ATF6: variants seen among roughly 807,000 people sequenced by gnomAD.
ATF6 encodes the protein activating transcription factor 6, also known as cyclic AMP-dependent transcription factor ATF-6 alpha.
A neutral mutation model predicts 83.6 loss-of-function variants in ATF6; 53 were observed. That is an observed-to-expected ratio of 0.63 (90% CI 0.51 to 0.80). The LOEUF (loss-of-function observed/expected upper bound fraction) is 0.80. Ranked by LOEUF, ATF6 falls within the 30% of genes least tolerant of loss-of-function variation. ATF6 has a pLI of 0.00. For synonymous variants in ATF6, 288 were observed against 285.8 expected, an observed-to-expected ratio of 1.01 and a Z score of -0.08; for missense variants, 744 against 797.9, an observed-to-expected ratio of 0.93 and a Z score of 0.81.
intron 15 of ATF6, among the ~76,000 whole-genome samples, chr1:161,928,377 G>T (rs537690260): frequency 6.6e-6 from 1 of 152,184 alleles, no homozygotes; most frequent in African/African-American, 2.4e-5. Context: ...ACATAATTTG[G>T]CATGATGGCA....
intron 9 of ATF6, among the ~76,000 whole-genome samples, chr1:161,821,931 A>G (rs1225056592): frequency 3.0e-4 from 46 of 152,242 alleles, no homozygotes; most frequent in Non-Finnish European, 8.8e-5. Context: ...TACCTCTCTG[A>G]TGTAGCTTTT....
chr1:161,800,823 A>G lies in ATF6; in HGVS notation c.689-1229A>G, dbSNP rs192525566. Among the ~76,000 whole-genome samples, 221 of 152,320 alleles carry G rather than the reference A, an allele frequency of 1.5e-3. 1 individual carries two copies. The highest frequency in any genetic ancestry group is 5.0e-3 in the African/African-American group (208 of 41,584). On this transcript the variant is annotated intron_variant, in intron 6 of 15. Coordinates refer to ENST00000367942, the MANE Select transcript of ATF6 (RefSeq NM_007348.4). Reference sequence around the variant, plus strand: ...TGGATGACTTCTAAAAATGTTTTCTATGGAGTCATCTGCCTCATTAACAAG... The same window carrying G: ...TGGATGACTTCTAAAAATGTTTTCTGTGGAGTCATCTGCCTCATTAACAAG...
At chr1:161,794,160 TCC>T (rs1571136682) in intron 6 of ATF6, among the ~76,000 whole-genome samples, 2 of 152,190 alleles carry the variant, frequency 1.3e-5, no homozygotes, top group African/African-American at 4.8e-5. Flanking sequence ...TGCCTCGGCC[TCC>T]CAAAGTGCTG....
chr1:161,804,513 A>G (rs775375763), intron 7 of ATF6, among the ~76,000 whole-genome samples: 22 of 152,148 alleles, frequency 1.4e-4, no homozygotes, highest in Non-Finnish European at 2.8e-4. Context: ...CCTGGGAGCC[A>G]TCTTCCAGGA....
At position 161,821,028 on chromosome 1, in the gene ATF6, C is replaced by T. The variant is rs181456626; in HGVS notation, c.1096-42C>T. 5.8e-5 allele frequency: 81 copies of T among 1,391,950 alleles called. No homozygotes were observed. The African/African-American group carries it at 8.1e-4, about 14-fold the overall frequency. 86.2% of individuals were successfully genotyped at this position (1,391,950 alleles called of 1,614,324 possible). On this transcript the variant is annotated intron_variant, in intron 8 of 15. Coordinates refer to ENST00000367942, the MANE Select transcript of ATF6 (RefSeq NM_007348.4). ...TCTTAAGCGTTGCTTTTTCTGAAAT[C>T]GATGTTAGTTTAATTGTATTTAATG... is the stretch of plus-strand genomic sequence containing the variant.
intron 15 of ATF6, among the ~76,000 whole-genome samples, chr1:161,956,112 C>G (rs532086994): frequency 6.6e-6 from 1 of 152,162 alleles, no homozygotes; most frequent in Non-Finnish European, 1.5e-5. Flanking sequence ...ATAACAGGCA[C>G]GTGGGCTCTA....
intron 12 of ATF6, among the ~76,000 whole-genome samples, chr1:161,856,802 G>A (rs35371129): frequency 0.021 from 3,133 of 152,254 alleles, 57 homozygotes; most frequent in Non-Finnish European, 0.032. Context: ...ATTTACTGTG[G>A]AAGGGGTGCT....
rs774473120 is a variant in ATF6, at chr1:161,860,196, T to C, written c.1534-11T>C. ...TACAGTATTAAACTTTTTTTTTTTT[T>C]AATATTCCAGGGTGCTCTGGAACAG... On this transcript the variant is annotated splice_polypyrimidine_tract_variant and intron_variant, in intron 12 of 15. Coordinates refer to ENST00000367942, the MANE Select transcript of ATF6 (RefSeq NM_007348.4). The C allele has an allele frequency of 6.4e-7, 1 of 1,558,104 alleles. No homozygotes were observed. Among genetic ancestry groups the C allele is most frequent in the Non-Finnish European group, 8.7e-7 (1 of 1,154,118 alleles).
In ATF6 at chr1:161,848,461, T is replaced by TC. The variant is rs916532034; in HGVS notation, c.1319+1884dup. On this transcript the variant is annotated intron_variant, in intron 10 of 15. Transcript: ENST00000367942. Reference sequence around the variant, plus strand: ...CAAATAAAAAATGAGTAGATTCTAATCCCATAGTTTATAATATTGTATTAG... The same window carrying TC: ...CAAATAAAAAATGAGTAGATTCTAATCCCCATAGTTTATAATATTGTATTAG... Among the ~76,000 whole-genome samples, 105 of 152,154 alleles carry TC rather than the reference T, an allele frequency of 6.9e-4. 1 individual carries two copies. The highest frequency in any genetic ancestry group is 2.5e-3 in the African/African-American group (102 of 41,444).
intron 7 of ATF6, among the ~76,000 whole-genome samples, chr1:161,804,006 C>T (rs2101758214): frequency 8.4e-6 from 1 of 119,286 alleles, no homozygotes; most frequent in Non-Finnish European, 1.7e-5. Flanking sequence ...CCCCACCCCA[C>T]AACAGTCCCC....
intron 6 of ATF6, among the ~76,000 whole-genome samples, chr1:161,795,886 T>C (rs1460900370): frequency 6.6e-6 from 1 of 152,222 alleles, no homozygotes; most frequent in African/African-American, 2.4e-5. Context: ...CATAGAAATT[T>C]AGTTGTTTCC....
chr1:161,842,528 C>T (rs1686381352), intron 9 of ATF6, among the ~76,000 whole-genome samples: 1 of 152,174 alleles, frequency 6.6e-6, no homozygotes, highest in African/African-American at 2.4e-5. Flanking sequence ...GAATACTACT[C>T]AGTCATAAAA....
intron 1 of ATF6, among the ~76,000 whole-genome samples, chr1:161,774,975 G>GA (rs1684480989): frequency 1.3e-5 from 2 of 152,136 alleles, no homozygotes; most frequent in Admixed American, 1.3e-4. Flanking sequence ...GGGTTCCTTG[G>GA]AAAAATGACC....
chr1:161,810,097 G>T (rs950067335), intron 7 of ATF6, among the ~76,000 whole-genome samples: 1 of 152,186 alleles, frequency 6.6e-6, no homozygotes, highest in Admixed American at 6.5e-5. Context: ...GCTTAATGGA[G>T]TCCTTGGGTG....
At chr1:161,863,336 A>G in intron 14 of ATF6, 24 bp downstream of exon 14, 1 of 1,503,136 alleles carries the variant, frequency 6.7e-7, no homozygotes, top group Non-Finnish European at 9.3e-7. Context: ...GAAAGAATAG[A>G]GCAAATATTT....
intron 9 of ATF6, among the ~76,000 whole-genome samples, chr1:161,837,238 T>C (rs1686243371): frequency 6.6e-6 from 1 of 152,234 alleles, no homozygotes. Flanking sequence ...TTATTATATA[T>C]TGCTTAGACT....
intron 3 of ATF6, among the ~76,000 whole-genome samples, chr1:161,782,720 ATTTAC>A (rs1408824015): frequency 3.9e-5 from 6 of 152,162 alleles, no homozygotes; most frequent in Non-Finnish European, 2.9e-5. Context: ...CATTTTATGT[ATTTAC>A]TTATACTGTT....
chr1:161,854,963 A>C (rs1686725945), intron 12 of ATF6, among the ~76,000 whole-genome samples: 1 of 152,114 alleles, frequency 6.6e-6, no homozygotes, highest in African/African-American at 2.4e-5. Context: ...GAACATGAAG[A>C]AGCTGAGTAC....
At chr1:161,867,096 C>T (rs1175862162) in intron 14 of ATF6, among the ~76,000 whole-genome samples, 1 of 152,052 alleles carries the variant, frequency 6.6e-6, no homozygotes, top group African/African-American at 2.4e-5. Flanking sequence ...AGATTGAGAC[C>T]ATCCTGGCTA....
Sources: allele counts gnomAD v4.1 joint callset (sites outside exome capture counted in the v4.1 genomes callset), GRCh38; gene constraint gnomAD v4.1.1; transcripts MANE v1.5; gene names NCBI Gene and HGNC (gene_info 2026-07-23, HGNC 2026-07-21).